Variants in PDE4D observed in about 807,000 individuals in gnomAD.
PDE4D encodes the protein 3',5'-cyclic-AMP phosphodiesterase 4D.
Under a neutral mutation model 87.4 loss-of-function variants are expected in PDE4D, and 24 were observed. The observed-to-expected ratio is 0.27, with a 90% CI of 0.20 to 0.39. PDE4D has a LOEUF of 0.39. Among genes scored for constraint, PDE4D ranks in the 10% least tolerant of loss-of-function variants. The pLI is 1.00. For missense variants in PDE4D, 714 were observed against 1,041.0 expected (o/e 0.69, Z 4.32); for synonymous variants, 384 against 383.2 (o/e 1.00, Z -0.02).
At chr5:59,428,539 A>C (rs1021365127) in intron 1 of PDE4D, among the ~76,000 whole-genome samples, 2 of 152,178 alleles carry the variant, frequency 1.3e-5, no homozygotes, top group Non-Finnish European at 2.9e-5. Context: ...TCTTAGTCCC[A>C]GCAAGCATTC....
intron 2 of PDE4D, among the ~76,000 whole-genome samples, chr5:60,110,497 A>G (rs1165921912): frequency 6.6e-6 from 1 of 152,144 alleles, no homozygotes; most frequent in African/African-American, 2.4e-5. Flanking sequence ...AAAAAGAAAA[A>G]ATAACAAATG....
intron 2 of PDE4D, among the ~76,000 whole-genome samples, chr5:60,030,366 C>T (rs1241087669): frequency 2.6e-5 from 4 of 152,130 alleles, no homozygotes; most frequent in Non-Finnish European, 5.9e-5. Flanking sequence ...AGGAGAATGG[C>T]GTGAACCCGG....
At chr5:59,079,871 A>AGAGGAGAGGAGAGGAGAGGC (rs2153422842) in intron 5 of PDE4D, among the ~76,000 whole-genome samples, 1 of 130,840 alleles carries the variant, frequency 7.6e-6, no homozygotes, top group Non-Finnish European at 1.6e-5. Context: ...AGAGGAGAGG[A>AGAGGAGAGGAGAGGAGAGGC]GAGGAGAGGA....
chr5:59,195,278 A>G (rs1353869926), intron 2 of PDE4D, among the ~76,000 whole-genome samples: 3 of 152,170 alleles, frequency 2.0e-5, no homozygotes, highest in African/African-American at 4.8e-5. Flanking sequence ...TCAAAAAAAA[A>G]AGGTCTTCTG....
At chr5:59,506,795 T>G (rs1393318060) in intron 1 of PDE4D, among the ~76,000 whole-genome samples, 1 of 152,112 alleles carries the variant, frequency 6.6e-6, no homozygotes, top group East Asian at 1.9e-4. Context: ...TAATACGAAG[T>G]GTTGACAAGA....
chr5:59,243,448 CTTTTTTT>C (rs767287011), intron 1 of PDE4D, among the ~76,000 whole-genome samples: 3 of 72,304 alleles, frequency 4.1e-5, no homozygotes, highest in African/African-American at 6.2e-5. Context: ...TTAAAATAAC[CTTTTTTT>C]TTTTTTTTTT....
chr5:59,188,774 G>T (rs1482479758), intron 3 of PDE4D, among the ~76,000 whole-genome samples: 1 of 152,152 alleles, frequency 6.6e-6, no homozygotes, highest in African/African-American at 2.4e-5. Context: ...TCATTTTTAT[G>T]AAAAGAAAAC....
At chr5:60,431,745 G>C (rs566508331) in intron 1 of PDE4D, among the ~76,000 whole-genome samples, 4 of 152,084 alleles carry the variant, frequency 2.6e-5, no homozygotes, top group East Asian at 1.9e-4. Flanking sequence ...AGGTTGTAGC[G>C]AGCCGAGATC....
chr5:60,405,121 C>T (rs1171015822), intron 1 of PDE4D, among the ~76,000 whole-genome samples: 1 of 152,166 alleles, frequency 6.6e-6, no homozygotes, highest in African/African-American at 2.4e-5. Context: ...TCAGGTGTTG[C>T]AAGGGCCAGG....
chr5:60,349,863 T>C (rs915118916), intron 1 of PDE4D, among the ~76,000 whole-genome samples: 5 of 152,054 alleles, frequency 3.3e-5, no homozygotes, highest in Non-Finnish European at 7.4e-5. Context: ...TCAGTACATG[T>C]TTTGAGAGGA....
intron 3 of PDE4D, among the ~76,000 whole-genome samples, chr5:59,937,687 C>T (rs191161190): frequency 4.6e-5 from 7 of 152,326 alleles, no homozygotes; most frequent in African/African-American, 1.7e-4. Flanking sequence ...TTAACTTTAC[C>T]TCCTAAAGGC....
intron 1 of PDE4D, among the ~76,000 whole-genome samples, chr5:59,550,914 T>C (rs927364849): frequency 1.3e-5 from 2 of 152,072 alleles, no homozygotes; most frequent in Non-Finnish European, 1.5e-5. Context: ...GTCAGGCTGG[T>C]CTCAAACTCC....
intron 1 of PDE4D, among the ~76,000 whole-genome samples, chr5:59,272,404 C>T (rs1763993090): frequency 6.6e-6 from 1 of 152,012 alleles, no homozygotes; most frequent in African/African-American, 2.4e-5. Flanking sequence ...TATATAACAA[C>T]TGACTAAATC....
At chr5:59,705,889 G>A (rs943022947) in intron 1 of PDE4D, among the ~76,000 whole-genome samples, 1 of 152,122 alleles carries the variant, frequency 6.6e-6, no homozygotes. Context: ...AATGTTAAAG[G>A]GCAGTGCTCT....
chr5:60,337,386 T>C (rs200553136), intron 1 of PDE4D, among the ~76,000 whole-genome samples: 12,083 of 91,842 alleles, frequency 0.13, 1,933 homozygotes, highest in African/African-American at 0.37. Flanking sequence ...TATATATATA[T>C]ATACACACAC....
At chr5:60,364,504 T>C (rs1760356357) in intron 1 of PDE4D, among the ~76,000 whole-genome samples, 2 of 152,212 alleles carry the variant, frequency 1.3e-5, no homozygotes, top group Non-Finnish European at 2.9e-5. Context: ...AATTAATACA[T>C]TGTAAAATAT....
At chr5:60,107,080 GA>G (rs1777041243) in intron 2 of PDE4D, among the ~76,000 whole-genome samples, 1 of 151,948 alleles carries the variant, frequency 6.6e-6, no homozygotes, top group African/African-American at 2.4e-5. Context: ...CTGGTTTTTT[GA>G]AAAGATCAAC....
chr5:59,703,519 A>G (rs1292103695), intron 1 of PDE4D: 4 of 530,972 alleles, frequency 7.5e-6, no homozygotes, highest in Admixed American at 5.9e-5. Flanking sequence ...GGCACCATGT[A>G]GCTTGTACTT....
At chr5:59,352,281 C>G (rs1780652464) in intron 1 of PDE4D, among the ~76,000 whole-genome samples, 1 of 152,156 alleles carries the variant, frequency 6.6e-6, no homozygotes, top group Non-Finnish European at 1.5e-5. Flanking sequence ...ACTAATTACA[C>G]TCATCTTTTT....
Sources: gnomAD v4.1 joint callset for allele counts (sites outside exome capture counted in the v4.1 genomes callset) on GRCh38, gnomAD v4.1.1 for gene constraint, MANE v1.5 for transcripts, NCBI Gene and HGNC (gene_info 2026-07-23, HGNC 2026-07-21) for gene names.